Variants in PRDM16 observed in about 807,000 individuals in gnomAD.
PRDM16 encodes the protein histone-lysine N-methyltransferase PRDM16.
A neutral mutation model predicts 110.6 loss-of-function variants in PRDM16; 23 were observed. That is an observed-to-expected ratio of 0.21 (90% confidence interval 0.15 to 0.29). PRDM16 has a LOEUF of 0.29. PRDM16 is among the 10% of genes least tolerant of loss of function. The pLI, the probability that PRDM16 is intolerant of heterozygous loss-of-function variation, is 1.00. For missense variants in PRDM16, 1,615 were observed against 1,794.3 expected, an observed-to-expected ratio of 0.90 and a Z score of 1.81; for synonymous variants, 799 against 781.8, an observed-to-expected ratio of 1.02 and a Z score of -0.37.
In PRDM16 at chr1:3,375,807, C is replaced by T. The variant is rs1219175108; in HGVS notation, c.439-9345C>T. Among the ~76,000 whole-genome samples, 4 of 152,354 alleles carry T rather than the reference C, an allele frequency of 2.6e-5. No homozygotes were observed. The East Asian group carries it at 7.7e-4, about 29-fold the overall frequency. On this transcript the variant is annotated intron_variant, in intron 3 of 16. Transcript: ENST00000270722. ...TCCCTGTCTCAACCAAAGTTTTCTT[C>T]AATGTTCATAGACGCTGCTGGGAGG... is the stretch of plus-strand genomic sequence containing the variant.
chr1:3,182,736 A>T (rs907997728), intron 1 of PRDM16, among the ~76,000 whole-genome samples: 2 of 152,122 alleles, frequency 1.3e-5, no homozygotes, highest in African/African-American at 2.4e-5. Flanking sequence ...TATGCGATCA[A>T]ATGACGATCG....
intron 12 of PRDM16, among the ~76,000 whole-genome samples, chr1:3,422,869 G>A (rs1345078704): frequency 6.6e-6 from 1 of 152,214 alleles, no homozygotes; most frequent in Non-Finnish European, 1.5e-5. Context: ...GGAGACGCTG[G>A]GACCCGGGTG....
intron 4 of PRDM16, chr1:3,396,235 A>C: frequency 3.7e-6 from 2 of 538,368 alleles, no homozygotes; most frequent in Non-Finnish European, 7.1e-6. Context: ...GGGAACTTTC[A>C]TGTGGATCCT....
At chr1:3,326,089 C>T (rs2500268) in intron 3 of PRDM16, among the ~76,000 whole-genome samples, 9,081 of 54,708 alleles carry the variant, frequency 0.17, 626 homozygotes, top group Middle Eastern at 0.23. Context: ...TCCTTGGCCC[C>T]CCTTGGCCAT....
intron 8 of PRDM16, among the ~76,000 whole-genome samples, chr1:3,406,386 G>A (rs538255996): frequency 7.9e-5 from 12 of 152,096 alleles, no homozygotes; most frequent in Non-Finnish European, 1.2e-4. Context: ...GGAGGGAGCT[G>A]TGAGCGTAGA....
At chr1:3,408,803 T>A (rs1643611711) in intron 8 of PRDM16, among the ~76,000 whole-genome samples, 1 of 138,884 alleles carries the variant, frequency 7.2e-6, no homozygotes, top group Non-Finnish European at 1.5e-5. Flanking sequence ...TGCGTGTGTG[T>A]GAGCGCGTGT....
chr1:3,167,004 C>T (rs963446489), intron 1 of PRDM16, among the ~76,000 whole-genome samples: 1 of 152,162 alleles, frequency 6.6e-6, no homozygotes, highest in African/African-American at 2.4e-5. Context: ...AGGCTGAACA[C>T]GCACCCTCCA....
At chr1:3,237,112 C>T (rs981286205) in intron 2 of PRDM16, among the ~76,000 whole-genome samples, 9 of 152,120 alleles carry the variant, frequency 5.9e-5, no homozygotes, top group African/African-American at 2.2e-4. Context: ...CCCGTGCACA[C>T]AGGAAGCCAC....
At chr1:3,101,738 C>T (rs893598112) in intron 1 of PRDM16, among the ~76,000 whole-genome samples, 1 of 152,226 alleles carries the variant, frequency 6.6e-6, no homozygotes, top group African/African-American at 2.4e-5. Context: ...GGCATATGTC[C>T]TCAGGGCAGC....
At chr1:3,229,500 C>T (rs1241008721) in intron 2 of PRDM16, among the ~76,000 whole-genome samples, 2 of 152,198 alleles carry the variant, frequency 1.3e-5, no homozygotes, top group South Asian at 2.1e-4. Flanking sequence ...GACAGCCACA[C>T]GGCATAGCTG....
At chr1:3,117,942 G>C (rs1642997022) in intron 1 of PRDM16, among the ~76,000 whole-genome samples, 1 of 152,200 alleles carries the variant, frequency 6.6e-6, no homozygotes, top group Non-Finnish European at 1.5e-5. Context: ...ATCCATGCAA[G>C]TTGTGCACGT....
At chr1:3,263,583 A>T (rs974196552) in intron 3 of PRDM16, among the ~76,000 whole-genome samples, 3 of 152,156 alleles carry the variant, frequency 2.0e-5, no homozygotes, top group Non-Finnish European at 4.4e-5. Flanking sequence ...CTTCCATCCC[A>T]TGGGGAACTT....
rs1002167984 is a variant in PRDM16, at chr1:3,069,526, C to T, written c.37+230C>T. Among the ~76,000 whole-genome samples, 14 of 148,398 alleles carry T rather than the reference C, an allele frequency of 9.4e-5. No homozygotes were observed. Among genetic ancestry groups the T allele is most frequent in the Non-Finnish European group, 1.8e-4 (12 of 66,534 alleles). On this transcript the variant is annotated intron_variant, in intron 1 of 16. Transcript: ENST00000270722. The surrounding 1 kb of genome is among the most constrained non-coding windows in gnomAD (Gnocchi z 6.1). ...GCGCGCTCCCCGAAGGCGCCGGCCC[C>T]CTCCCCGCGGAACCCCCTCCCCCCC... is the stretch of plus-strand genomic sequence containing the variant.
Position 3,426,243 on chromosome 1 carries a change from G to A in PRDM16, c.3284+18G>A, listed in dbSNP as rs1165359614. 3 of 1,608,266 alleles carry A rather than the reference G, an allele frequency of 1.9e-6. No homozygotes were observed. Among genetic ancestry groups the A allele is most frequent in the Admixed American group, 1.7e-5 (1 of 59,770 alleles). On this transcript the variant is annotated intron_variant, in intron 14 of 16. Transcript: ENST00000270722. The stretch of plus-strand genomic sequence containing the variant: ...GAGAAACGGTAAGAAAACTATCGCG[G>A]GCTGGGGAAAGTCTGGACCCGGCCA...
At chr1:3,236,072 A>G (rs1639532885) in intron 2 of PRDM16, among the ~76,000 whole-genome samples, 1 of 152,146 alleles carries the variant, frequency 6.6e-6, no homozygotes, top group Admixed American at 6.5e-5. Context: ...TCCAGAGAGC[A>G]GGCATCCCTG....
rs920055201 is a variant in PRDM16, at chr1:3,390,193, C to T, written c.573+4907C>T. Among the ~76,000 whole-genome samples the T allele has an allele frequency of 2.6e-5, 4 of 152,146 alleles. No individual in the cohort carries two copies. Among genetic ancestry groups the T allele is most frequent in the Non-Finnish European group, 4.4e-5 (3 of 68,018 alleles). Reference sequence around the variant, plus strand: ...GGCAGGGAGGAGCTGTCACAGCCGGCGCTTTCTGTTTTTTGGTTTATCTTT... The same window carrying T: ...GGCAGGGAGGAGCTGTCACAGCCGGTGCTTTCTGTTTTTTGGTTTATCTTT... On this transcript the variant is annotated intron_variant, in intron 4 of 16. Transcript: ENST00000270722. The surrounding 1 kb of genome is among the most constrained non-coding windows in gnomAD (Gnocchi z 5.0).
At chr1:3,130,779 G>A (rs572423869) in intron 1 of PRDM16, among the ~76,000 whole-genome samples, 13 of 141,406 alleles carry the variant, frequency 9.2e-5, no homozygotes, top group South Asian at 2.3e-4. Flanking sequence ...TCCTTGGTGC[G>A]GGGGCGGTGG....
intron 3 of PRDM16, among the ~76,000 whole-genome samples, chr1:3,331,297 C>G (rs1642036802): frequency 6.6e-6 from 1 of 152,074 alleles, no homozygotes; most frequent in South Asian, 2.1e-4. Flanking sequence ...AAAGGCAGCC[C>G]CCCCCCGGCA....
chr1:3,263,374 C>G (rs905661464), intron 3 of PRDM16, among the ~76,000 whole-genome samples: 10 of 152,240 alleles, frequency 6.6e-5, no homozygotes, highest in African/African-American at 1.4e-4. Context: ...GCGTGCCGCT[C>G]TCCCGTGGGG....
Sources: gnomAD v4.1 joint callset for allele counts (sites outside exome capture counted in the v4.1 genomes callset) on GRCh38, gnomAD v4.1.1 for gene constraint, Gnocchi (gnomAD v3.1) non-coding constraint, MANE v1.5 for transcripts, NCBI Gene and HGNC (gene_info 2026-07-23, HGNC 2026-07-21) for gene names.